Variants in CRHR2 observed in about 807,000 individuals in gnomAD.
CRHR2 encodes corticotropin-releasing hormone receptor 2.
CRHR2 carries 53 observed loss-of-function variants against 57.9 expected under a neutral mutation model. The observed-to-expected ratio is 0.92, with a 90% CI of 0.73 to 1.15. The LOEUF (loss-of-function observed/expected upper bound fraction) is 1.15. Among genes scored for constraint, CRHR2 ranks in the 50% most tolerant of loss-of-function variants. The probability of loss-of-function intolerance (pLI) is 0.00; values close to 1 mark genes in which losing one functional copy is unlikely to be tolerated. For missense variants in CRHR2, 532 were observed against 542.6 expected (o/e 0.98, Z 0.19); for synonymous variants, 213 against 220.9 (o/e 0.96, Z 0.32).
chr7:30,681,131 C>T (rs1358170692), intron 2 of CRHR2, among the ~76,000 whole-genome samples: 2 of 152,102 alleles, frequency 1.3e-5, no homozygotes, highest in Admixed American at 6.6e-5. Flanking sequence ...CTGAACGACC[C>T]CACCTGGAGG....
rs1333095388 is a variant in CRHR2 at position 30,656,266 on chromosome 7, G to C, written c.832-254C>G. ...GAGGAGGAAAGGTGGCAGCCTCTGTGGGTCGTGACCGAGAGCACGGGGCAT... is the reference window on the plus strand; with the variant it reads ...GAGGAGGAAAGGTGGCAGCCTCTGTCGGTCGTGACCGAGAGCACGGGGCAT... On this transcript the variant is annotated intron_variant, in intron 8 of 11. Coordinates refer to ENST00000471646, the MANE Select transcript of CRHR2 (RefSeq NM_001883.5). The surrounding 1 kb of genome is among the most constrained non-coding windows in gnomAD (Gnocchi z 4.4). 6.6e-6 allele frequency among the ~76,000 whole-genome samples: 1 copy of C among 152,148 alleles called. No individual in the cohort carries two copies. Among genetic ancestry groups the C allele is most frequent in the Admixed American group, 6.5e-5 (1 of 15,282 alleles).
Position 30,696,394 on chromosome 7 carries a change from TATATATACCTACTATGTACCCACAAAA to T in CRHR2, c.-261+3523_-261+3549del, listed in dbSNP as rs1177581304. On this transcript the variant is annotated intron_variant, in intron 1 of 13. Coordinates refer to the CRHR2 transcript ENST00000341843. The stretch of plus-strand genomic sequence containing the variant: ...CAAAATATCTCATGTATCCCACAAA[TATATATACCTACTATGTACCCACAAAA>T]ATTAAAAATAAAAATTAAGGCCAGG... 3.9e-5 allele frequency among the ~76,000 whole-genome samples: 6 copies of T among 152,286 alleles called. No individual in the cohort carries two copies. In the South Asian group the frequency reaches 1.0e-3, roughly 26 times the overall value.
rs1021391608 is a variant in CRHR2, at chr7:30,667,303, A to G, written c.240T>C (p.Tyr80=). 6.2e-7 allele frequency: 1 copy of G among 1,614,052 alleles called. No homozygotes were observed. Among genetic ancestry groups the G allele is most frequent in the Non-Finnish European group, 8.5e-7 (1 of 1,180,032 alleles). Residue 80 remains tyrosine (Y), a synonymous_variant, in exon 3 of 12, where the codon TAT becomes TAC. Coordinates refer to ENST00000471646, the MANE Select transcript of CRHR2 (RefSeq NM_001883.5). The part of the protein sequence containing the change: ...GVKYNTTRNA[Y]RECLENGTWA... ...ACGTCCCATTCTCCAAGCATTCTCGATAGGCATTCCCTACAAAAAATGCCA... is the reference window on the plus strand; with the variant it reads ...ACGTCCCATTCTCCAAGCATTCTCGGTAGGCATTCCCTACAAAAAATGCCA...
intron 2 of CRHR2, 133 bp downstream of exon 2, chr7:30,681,782 C>G: frequency 7.4e-6 from 10 of 1,357,598 alleles, no homozygotes; most frequent in Non-Finnish European, 9.6e-6. Flanking sequence ...GTAAGGGGTC[C>G]TTAACGCCCG....
chr7:30,666,252 G>C (rs906631597), intron 3 of CRHR2, among the ~76,000 whole-genome samples: 1 of 152,150 alleles, frequency 6.6e-6, no homozygotes, highest in South Asian at 2.1e-4. Context: ...GGAGGCCTGG[G>C]GTGGGGTGCA....
rs112250095 is a variant in CRHR2, at chr7:30,668,022, A to T, written c.230-709T>A. 7.0e-3 allele frequency among the ~76,000 whole-genome samples: 1,064 copies of T among 152,308 alleles called. 7 individuals carry two copies. Among genetic ancestry groups the T allele is most frequent in the Middle Eastern group, 0.02 (6 of 294 alleles). ...AATGCTGGGGACTCAGGGCTGGGCC[A>T]CCGCCCTCGGGCTGCTGCTGCCTGG... On this transcript the variant is annotated intron_variant, in intron 2 of 11. Coordinates refer to ENST00000471646, the MANE Select transcript of CRHR2 (RefSeq NM_001883.5).
Position 30,656,003 on chromosome 7 carries a change from C to A in CRHR2, c.841G>T (p.Val281Leu). The A allele has an allele frequency of 6.2e-7, 1 of 1,613,598 alleles. No homozygotes were observed. Among genetic ancestry groups the A allele is most frequent in the Non-Finnish European group, 8.5e-7 (1 of 1,179,778 alleles). The change falls in exon 9 of 12, where the codon GTA becomes TTA. Residue 281 changes from valine (V) to leucine (L), a missense_variant. By Grantham distance (32) the Val-to-Leu change is conservative. Coordinates refer to ENST00000471646, the MANE Select transcript of CRHR2 (RefSeq NM_001883.5). The surrounding 1 kb of genome is among the most constrained non-coding windows in gnomAD (Gnocchi z 4.4). The stretch of plus-strand genomic sequence containing the variant: ...ATCCTGACGATGTTGAACAGAAATA[C>A]GAAATTGATCTGGAGGGAGGGCGGG... The part of the protein sequence containing the change: ...PIILVLLINF[V>L]FLFNIVRILM...
At chr7:30,679,027 ATT>A (rs1046427532) in intron 2 of CRHR2, among the ~76,000 whole-genome samples, 7 of 151,768 alleles carry the variant, frequency 4.6e-5, no homozygotes, top group Non-Finnish European at 1.0e-4. Context: ...CCCCAGCCTC[ATT>A]GTTTCTTTCT....
At chr7:30,675,771 C>G (rs531169918) in intron 2 of CRHR2, among the ~76,000 whole-genome samples, 4 of 152,314 alleles carry the variant, frequency 2.6e-5, no homozygotes, top group Admixed American at 1.3e-4. Flanking sequence ...TACTTGGGAG[C>G]CTATATCAAA....
At chr7:30,662,387 C>A (rs1231154886) in intron 6 of CRHR2, among the ~76,000 whole-genome samples, 171 bp from the exon 7 acceptor site, 2 of 152,206 alleles carry the variant, frequency 1.3e-5, no homozygotes, top group East Asian at 3.9e-4. Flanking sequence ...CATGCCCCTG[C>A]CCCTCTCTCC....
exon 1 of CRHR2, chr7:30,700,042 T>C: frequency 7.2e-7 from 1 of 1,394,308 alleles, no homozygotes; most frequent in Non-Finnish European, 9.3e-7. Flanking sequence ...ATGCCAGTAG[T>C]GGCTGGGGGT....
intron 11 of CRHR2, among the ~76,000 whole-genome samples, chr7:30,654,425 C>A (rs1383835762): frequency 2.0e-5 from 3 of 152,160 alleles, no homozygotes; most frequent in Non-Finnish European, 2.9e-5. Flanking sequence ...CAGAGACAGG[C>A]AAGTGTATTC....
intron 2 of CRHR2, among the ~76,000 whole-genome samples, chr7:30,669,417 A>G (rs980449487): frequency 6.6e-6 from 1 of 152,040 alleles, no homozygotes; most frequent in Admixed American, 6.6e-5. Context: ...GCCTTGGAAT[A>G]CTTGTTTCCC....
chr7:30,691,009 G>A (rs558427943), intron 1 of CRHR2, among the ~76,000 whole-genome samples: 1 of 152,266 alleles, frequency 6.6e-6, no homozygotes, highest in African/African-American at 2.4e-5. Context: ...TATCAAGGGA[G>A]CTGCTGAGAG....
intron 1 of CRHR2, among the ~76,000 whole-genome samples, chr7:30,693,931 G>A (rs17159375): frequency 0.048 from 7,299 of 152,210 alleles, 520 homozygotes; most frequent in African/African-American, 0.16. Flanking sequence ...TGAGGGGAAC[G>A]TCTTGGACAC....
chr7:30,664,927 C>T (rs1360354314), intron 5 of CRHR2, 143 bp downstream of exon 5: 2 of 668,360 alleles, frequency 3.0e-6, no homozygotes, highest in Non-Finnish European at 5.4e-6. Flanking sequence ...AGAGTAAAAG[C>T]TGCTCAAGAA....
upstream of CRHR2, among the ~76,000 whole-genome samples, chr7:30,684,657 A>G (rs1486608077): frequency 6.6e-6 from 1 of 152,232 alleles, no homozygotes; most frequent in Non-Finnish European, 1.5e-5. Flanking sequence ...GTCTGAGCAC[A>G]TACCCACAGA....
intron 8 of CRHR2, among the ~76,000 whole-genome samples, chr7:30,658,515 A>T (rs1206425753): frequency 1.3e-5 from 2 of 152,176 alleles, no homozygotes; most frequent in African/African-American, 2.4e-5. Flanking sequence ...ATGGGCTAAG[A>T]ACTGAAGATG....
At position 30,671,843 on chromosome 7, in the gene CRHR2, AATG is replaced by A. The variant is rs769616381; in HGVS notation, c.230-4533_230-4531del. On this transcript the variant is annotated intron_variant, in intron 2 of 11. Transcript: ENST00000471646. ...TGATGATGATGATGATGATGATGAT[AATG>A]ATGATGATGATAGAAGAAGAAGGAG... Among the ~76,000 whole-genome samples, 889 of 100,840 alleles carry A rather than the reference AATG, an allele frequency of 8.8e-3. 4 individuals carry two copies. Among genetic ancestry groups the A allele is most frequent in the Non-Finnish European group, 0.015 (677 of 45,042 alleles). 66.2% of individuals were successfully genotyped at this position (100,840 alleles called of 152,430 possible). A position where few individuals can be genotyped will look rare whatever the true frequency, so the allele number is the denominator to read the frequency against.
Sources: gnomAD v4.1 joint callset for allele counts (sites outside exome capture counted in the v4.1 genomes callset) on GRCh38, gnomAD v4.1.1 for gene constraint, Gnocchi (gnomAD v3.1) non-coding constraint, MANE v1.5 for transcripts, NCBI Gene and HGNC (gene_info 2026-07-23, HGNC 2026-07-21) for gene names.